Variants in FMNL3 observed in about 807,000 individuals in gnomAD.
The protein encoded by FMNL3 is formin like 3, also known as formin-like protein 3.
In FMNL3, 57 loss-of-function variants were observed where a neutral mutation model predicts 119.6. The ratio of observed to expected loss-of-function variants is 0.48; its 90% CI spans 0.39 to 0.59. FMNL3 has a LOEUF of 0.59. Ranked by LOEUF, FMNL3 falls within the 20% of genes least tolerant of loss-of-function variation. The probability of loss-of-function intolerance (pLI) is 0.00; values close to 1 mark genes in which losing one functional copy is unlikely to be tolerated. For synonymous variants in FMNL3, 491 were observed against 507.3 expected (o/e 0.97, Z 0.43); for missense variants, 1,053 against 1,323.5 (o/e 0.80, Z 3.17).
At chr12:49,661,875 T>G in intron 5 of FMNL3, 91 bp downstream of exon 5, 6 of 1,218,582 alleles carry the variant, frequency 4.9e-6, no homozygotes, top group African/African-American at 1.5e-5. Flanking sequence ...TCCATCTTCA[T>G]TGTTGAACTC....
In FMNL3 at chr12:49,649,181, T is replaced by C; in HGVS notation, c.2386-23A>G. ...CAGCTAGGAGAGGGGGTGAGGGCGG[T>C]GCACAAGAGCTAAGCACTCTGGCTC... On this transcript the variant is annotated intron_variant, in intron 20 of 25. Coordinates refer to ENST00000335154, the MANE Select transcript of FMNL3 (RefSeq NM_175736.5). This position sits in a 1 kb window ranked among gnomAD's most constrained non-coding sequence, Gnocchi z 5.6. 1.2e-6 allele frequency: 2 copies of C among 1,612,096 alleles called. No homozygotes were observed. Among genetic ancestry groups the C allele is most frequent in the Non-Finnish European group, 1.7e-6 (2 of 1,178,940 alleles).
Position 49,643,206 on chromosome 12 carries a change from T to C in FMNL3, c.*2609A>G. On this transcript the variant is annotated 3_prime_UTR_variant, in exon 26 of 26. Transcript: ENST00000335154. ...CAGAGAACCTCTGCACTGACATGTATCTGCTGATCTGCCCAGGGCTCTGAG... is the reference window on the plus strand; with the variant it reads ...CAGAGAACCTCTGCACTGACATGTACCTGCTGATCTGCCCAGGGCTCTGAG... 1.2e-6 allele frequency: 2 copies of C among 1,613,714 alleles called. No individual in the cohort carries two copies. The highest frequency in any genetic ancestry group is 1.7e-6 in the Non-Finnish European group (2 of 1,179,884).
intron 1 of FMNL3, among the ~76,000 whole-genome samples, chr12:49,700,504 C>G (rs1592701193): frequency 6.7e-6 from 1 of 148,756 alleles, no homozygotes; most frequent in East Asian, 2.0e-4. Flanking sequence ...CGCGTGAGGT[C>G]AGGAGTTTGA....
In FMNL3 at chr12:49,647,675, ACTT is replaced by A; in HGVS notation, c.2778+25_2778+27del. 1 of 1,603,142 alleles carries A rather than the reference ACTT, an allele frequency of 6.2e-7. No homozygotes were observed. The highest frequency in any genetic ancestry group is 1.1e-5 in the South Asian group (1 of 90,700). ...CCCCAGCCAGTTTTCTCGCAACCAA[ACTT>A]CTTAAAAAGCTCTCTGCAGCTTACC... On this transcript the variant is annotated intron_variant, in intron 23 of 25. Coordinates refer to ENST00000335154, the MANE Select transcript of FMNL3 (RefSeq NM_175736.5). This position sits in a 1 kb window ranked among gnomAD's most constrained non-coding sequence, Gnocchi z 4.9.
intron 4 of FMNL3, among the ~76,000 whole-genome samples, chr12:49,664,679 C>G (rs1479945750): frequency 6.6e-6 from 1 of 152,178 alleles, no homozygotes; most frequent in Non-Finnish European, 1.5e-5. Flanking sequence ...AGATGAGGTA[C>G]AGAAGCCATA....
chr12:49,642,414 G>A lies in FMNL3; in HGVS notation c.*3401C>T. ...GGCCCCAAGCACCCCTCAAGCCTGA[G>A]GGCAGCGGTGCTTCACCACTGAGGG... is the stretch of plus-strand genomic sequence containing the variant. On this transcript the variant is annotated 3_prime_UTR_variant, in exon 26 of 26. Coordinates refer to ENST00000335154, the MANE Select transcript of FMNL3 (RefSeq NM_175736.5). The surrounding 1 kb of genome is among the most constrained non-coding windows in gnomAD (Gnocchi z 5.8). The A allele has an allele frequency of 1.9e-6, 3 of 1,606,698 alleles. No individual in the cohort carries two copies. Among genetic ancestry groups the A allele is most frequent in the Non-Finnish European group, 2.6e-6 (3 of 1,174,912 alleles).
At chr12:49,705,234 C>A (rs538813491) in intron 1 of FMNL3, among the ~76,000 whole-genome samples, 1 of 152,266 alleles carries the variant, frequency 6.6e-6, no homozygotes, top group East Asian at 1.9e-4. Context: ...GGAAACAAAT[C>A]AAAATTTTAT....
At chr12:49,660,669 G>C (rs1943707484) in intron 5 of FMNL3, among the ~76,000 whole-genome samples, 1 of 152,258 alleles carries the variant, frequency 6.6e-6, no homozygotes. Flanking sequence ...TAGAAAAGTG[G>C]AAGCTGGTTG....
chr12:49,675,257 T>C (rs910780161), intron 1 of FMNL3, among the ~76,000 whole-genome samples: 2 of 152,180 alleles, frequency 1.3e-5, no homozygotes, highest in Non-Finnish European at 2.9e-5. Flanking sequence ...ACCCAGGCCC[T>C]AGTAAAAAGC....
chr12:49,653,581 A>G, intron 12 of FMNL3, 144 bp downstream of exon 12: 1 of 1,211,802 alleles, frequency 8.3e-7, no homozygotes, highest in Non-Finnish European at 1.2e-6. Flanking sequence ...CCAGTGGCTC[A>G]GGCCTGAGTA....
Position 49,643,327 on chromosome 12 carries a change from T to C in FMNL3, c.*2488A>G. On this transcript the variant is annotated 3_prime_UTR_variant, in exon 26 of 26. Transcript: ENST00000335154. ...CAGGCTCTGAGCCCTCTTCCTCACT[T>C]GATTCAGTTGAAAGTGGGGGTGCTG... The C allele has an allele frequency of 6.2e-7, 1 of 1,606,976 alleles. No individual in the cohort carries two copies. Among genetic ancestry groups the C allele is most frequent in the Non-Finnish European group, 8.5e-7 (1 of 1,177,060 alleles).
At chr12:49,693,637 T>C (rs1252493962) in intron 1 of FMNL3, among the ~76,000 whole-genome samples, 3 of 104,964 alleles carry the variant, frequency 2.9e-5, no homozygotes, top group Non-Finnish European at 5.8e-5. Context: ...CCAATCTTGG[T>C]TTTTTTTTTT....
At chr12:49,689,332 A>G (rs369055016) in intron 1 of FMNL3, among the ~76,000 whole-genome samples, 199 of 152,324 alleles carry the variant, frequency 1.3e-3, no homozygotes, top group South Asian at 0.011. Flanking sequence ...ATATATATCA[A>G]TCATTCAACT....
chr12:49,653,968 C>T (rs1943488266), intron 11 of FMNL3, 94 bp from the exon 12 acceptor site: 1 of 1,476,244 alleles, frequency 6.8e-7, no homozygotes, highest in African/African-American at 1.4e-5. Flanking sequence ...CCCCCTTCGC[C>T]ACCACTTCCC....
intron 8 of FMNL3, 40 bp downstream of exon 8, chr12:49,656,783 C>G: frequency 6.4e-7 from 1 of 1,563,272 alleles, no homozygotes; most frequent in Non-Finnish European, 8.8e-7. Context: ...CTCCAGAGCC[C>G]TGGACAGAGT....
At position 49,646,875 on chromosome 12, in the gene FMNL3, A is replaced by G. The variant is rs1196598555; in HGVS notation, c.2995+11T>C. Reference sequence around the variant, plus strand: ...CAATGGCCAGGCCCCAGGGAGTGAAAAGGGCCCCACCTGTGATGATGTCCT... The same window carrying G: ...CAATGGCCAGGCCCCAGGGAGTGAAGAGGGCCCCACCTGTGATGATGTCCT... On this transcript the variant is annotated intron_variant, in intron 25 of 25. Coordinates refer to ENST00000335154, the MANE Select transcript of FMNL3 (RefSeq NM_175736.5). The G allele has an allele frequency of 6.2e-7, 1 of 1,613,278 alleles. No homozygotes were observed. The highest frequency in any genetic ancestry group is 1.7e-5 in the Admixed American group (1 of 59,954).
At chr12:49,668,630 C>A (rs1324308791) in intron 1 of FMNL3, 76 bp from the exon 2 acceptor site, 1 of 1,297,638 alleles carries the variant, frequency 7.7e-7, no homozygotes, top group African/African-American at 1.5e-5. Context: ...CTGCCCACAC[C>A]TTTCTGCTAC....
chr12:49,702,138 T>C (rs1331333671), intron 1 of FMNL3, among the ~76,000 whole-genome samples: 3 of 151,950 alleles, frequency 2.0e-5, no homozygotes, highest in Non-Finnish European at 2.9e-5. Flanking sequence ...ACCCCATCTC[T>C]ACAAAAAATG....
At chr12:49,650,918 A>T in intron 16 of FMNL3, 40 bp from the exon 17 acceptor site, 1 of 1,606,696 alleles carries the variant, frequency 6.2e-7, no homozygotes, top group Non-Finnish European at 8.5e-7. Flanking sequence ...CTGTAGCCTC[A>T]TACTAGTGGA....
Sources: gnomAD v4.1 joint callset for allele counts (sites outside exome capture counted in the v4.1 genomes callset) on GRCh38, gnomAD v4.1.1 for gene constraint, Gnocchi (gnomAD v3.1) non-coding constraint, MANE v1.5 for transcripts, NCBI Gene and HGNC (gene_info 2026-07-23, HGNC 2026-07-21) for gene names.